The following SLC2A13 variants were observed in gnomAD, a reference collection of about 807,000 sequenced individuals.
The protein encoded by SLC2A13 is solute carrier family 2 member 13.
In SLC2A13, 32 loss-of-function variants were observed where a neutral mutation model predicts 64.4. That is an observed-to-expected ratio of 0.50 (90% confidence interval 0.37 to 0.67). The LOEUF (loss-of-function observed/expected upper bound fraction) is 0.67, where lower values mean the gene tolerates loss of function less well. Ranked by LOEUF, SLC2A13 falls within the 30% of genes least tolerant of loss-of-function variation. The pLI is 0.00. For synonymous variants in SLC2A13, 338 were observed against 327.1 expected, an observed-to-expected ratio of 1.03 and a Z score of -0.36; for missense variants, 743 against 829.2, an observed-to-expected ratio of 0.90 and a Z score of 1.28.
intron 3 of SLC2A13, among the ~76,000 whole-genome samples, chr12:40,007,993 T>C (rs2136190761): frequency 6.6e-6 from 1 of 152,318 alleles, no homozygotes; most frequent in East Asian, 1.9e-4. Context: ...TTTCTACTTC[T>C]GAGGTAGAGT....
At chr12:39,972,040 A>AG (rs377567160) in intron 3 of SLC2A13, among the ~76,000 whole-genome samples, 2 of 10,100 alleles carry the variant, frequency 2.0e-4, no homozygotes, top group Non-Finnish European at 2.9e-4. Flanking sequence ...ATATATATAT[A>AG]AATTATATAT....
chr12:39,760,560 A>G (rs1359287455), intron 9 of SLC2A13, among the ~76,000 whole-genome samples: 1 of 152,020 alleles, frequency 6.6e-6, no homozygotes, highest in East Asian at 1.9e-4. Flanking sequence ...ATGTGCTATC[A>G]CAGCATGTTG....
chr12:39,775,820 C>A (rs1940754634), intron 7 of SLC2A13, among the ~76,000 whole-genome samples: 1 of 152,142 alleles, frequency 6.6e-6, no homozygotes, highest in South Asian at 2.1e-4. Flanking sequence ...ATCCCTTATT[C>A]AAAATACTTG....
intron 7 of SLC2A13, among the ~76,000 whole-genome samples, chr12:39,786,800 C>T (rs1002545752): frequency 6.6e-6 from 1 of 152,156 alleles, no homozygotes; most frequent in Non-Finnish European, 1.5e-5. Flanking sequence ...TCCCCTCTCT[C>T]CTGTAACAGG....
chr12:39,859,150 A>G (rs1003150962), intron 6 of SLC2A13, among the ~76,000 whole-genome samples: 1 of 152,142 alleles, frequency 6.6e-6, no homozygotes, highest in Non-Finnish European at 1.5e-5. Flanking sequence ...CAGTTTGTCA[A>G]TTTGGATTTT....
intron 1 of SLC2A13, among the ~76,000 whole-genome samples, chr12:40,073,545 T>C (rs1352325196): frequency 6.6e-6 from 1 of 152,124 alleles, no homozygotes; most frequent in Non-Finnish European, 1.5e-5. Context: ...GTTTCTGACA[T>C]ATCATTTTTT....
chr12:39,827,925 AT>A (rs765460720), intron 7 of SLC2A13, among the ~76,000 whole-genome samples: 1 of 152,118 alleles, frequency 6.6e-6, no homozygotes, highest in Non-Finnish European at 1.5e-5. Flanking sequence ...ATATATGGCT[AT>A]GGATTGCCTC....
intron 1 of SLC2A13, among the ~76,000 whole-genome samples, chr12:40,071,993 A>G (rs929305015): frequency 1.3e-5 from 2 of 152,032 alleles, no homozygotes. Context: ...CCTGTCTCCT[A>G]AGGTCAAAGC....
At chr12:40,004,953 T>A (rs28370648) in intron 3 of SLC2A13, among the ~76,000 whole-genome samples, 2,557 of 152,194 alleles carry the variant, frequency 0.017, 26 homozygotes, top group Middle Eastern at 0.031. Context: ...CTGAGTAGGA[T>A]GAGGAAGAGG....
Position 40,083,599 on chromosome 12 carries a change from G to A in SLC2A13, c.556+21654C>T, listed in dbSNP as rs544552111. Among the ~76,000 whole-genome samples the A allele has an allele frequency of 5.0e-4, 76 of 152,010 alleles. 1 individual carries two copies. Among genetic ancestry groups the A allele is most frequent in the Middle Eastern group, 6.8e-3 (2 of 294 alleles). On this transcript the variant is annotated intron_variant, in intron 1 of 9. Transcript: ENST00000280871. ...GGCTGGCCTCAAGGCAGGGCAAGGA[G>A]AAAAAGGAAAAAAAGGATGGGGAAC...
intron 4 of SLC2A13, among the ~76,000 whole-genome samples, chr12:39,875,866 A>C (rs1448119833): frequency 6.6e-6 from 1 of 152,336 alleles, no homozygotes; most frequent in South Asian, 2.1e-4. Context: ...CCTACCACTG[A>C]GTTTACAATC....
At chr12:40,058,100 A>G (rs1474751107) in intron 1 of SLC2A13, among the ~76,000 whole-genome samples, 2 of 146,428 alleles carry the variant, frequency 1.4e-5, no homozygotes, top group African/African-American at 5.0e-5. Flanking sequence ...TTGATTTACT[A>G]TATATATTTT....
At chr12:39,956,854 G>A (rs1946323103) in intron 3 of SLC2A13, among the ~76,000 whole-genome samples, 1 of 152,126 alleles carries the variant, frequency 6.6e-6, no homozygotes, top group Admixed American at 6.5e-5. Context: ...CAAACTGTAG[G>A]AGGCTTCCCC....
intron 2 of SLC2A13, among the ~76,000 whole-genome samples, 174 bp from the exon 3 acceptor site, chr12:40,028,683 A>T (rs1444871454): frequency 6.6e-6 from 1 of 152,206 alleles, no homozygotes; most frequent in Non-Finnish European, 1.5e-5. Flanking sequence ...TTTGTGCTGC[A>T]CTGAAAATTA....
At chr12:39,760,330 C>CT (rs572998232) in intron 9 of SLC2A13, 78 bp from the exon 10 acceptor site, 1,373 of 1,325,896 alleles carry the variant, frequency 1.0e-3, no homozygotes, top group Non-Finnish European at 1.2e-3. Flanking sequence ...TTGATTTTGA[C>CT]TTTTTTTTTC....
At chr12:40,000,249 C>CTT (rs1565583918) in intron 3 of SLC2A13, among the ~76,000 whole-genome samples, 3 of 152,060 alleles carry the variant, frequency 2.0e-5, no homozygotes, top group Admixed American at 2.0e-4. Flanking sequence ...TCAGGTATGT[C>CTT]TTTATCAGCA....
At chr12:39,895,528 A>G (rs199970286) in intron 4 of SLC2A13, among the ~76,000 whole-genome samples, 12,786 of 66,848 alleles carry the variant, frequency 0.19, 1,554 homozygotes, top group East Asian at 0.4. Flanking sequence ...ATATATATAT[A>G]TATATATATA....
intron 4 of SLC2A13, among the ~76,000 whole-genome samples, chr12:39,926,897 G>A (rs981422385): frequency 6.6e-6 from 1 of 152,140 alleles, no homozygotes; most frequent in Non-Finnish European, 1.5e-5. Flanking sequence ...AAACGGACGT[G>A]AGCCACCTGC....
At position 40,104,110 on chromosome 12, in the gene SLC2A13, C is replaced by T. The variant is rs923674448; in HGVS notation, c.556+1143G>A. ...ACAAACATCAAACAAGTGGTGAATA[C>T]ACAGATCAGCAGCAGCCCCAGGTTT... On this transcript the variant is annotated intron_variant, in intron 1 of 9. Transcript: ENST00000280871. 3.9e-5 allele frequency among the ~76,000 whole-genome samples: 6 copies of T among 152,200 alleles called. No individual in the cohort carries two copies. In the South Asian group the frequency reaches 1.2e-3, roughly 32 times the overall value.
Sources: allele counts gnomAD v4.1 joint callset (sites outside exome capture counted in the v4.1 genomes callset), GRCh38; gene constraint gnomAD v4.1.1; transcripts MANE v1.5; gene names NCBI Gene and HGNC (gene_info 2026-07-23, HGNC 2026-07-21).